The following TSHR variants were observed in gnomAD, a reference collection of about 807,000 sequenced individuals.
The protein encoded by TSHR is thyrotropin receptor.
In TSHR, 51 loss-of-function variants were observed where a neutral mutation model predicts 64.1. The observed-to-expected ratio is 0.80, with a 90% CI of 0.64 to 1.01. The LOEUF (loss-of-function observed/expected upper bound fraction) is 1.01. Among genes scored for constraint, TSHR ranks in the 50% least tolerant of loss-of-function variants. TSHR has a pLI of 0.00. For missense variants in TSHR, 877 were observed against 942.8 expected, an observed-to-expected ratio of 0.93 and a Z score of 0.91; for synonymous variants, 361 against 361.9, an observed-to-expected ratio of 1.00 and a Z score of 0.03.
chr14:81,105,909 AG>A (rs1889860832), intron 7 of TSHR, among the ~76,000 whole-genome samples: 2 of 152,066 alleles, frequency 1.3e-5, no homozygotes, highest in Non-Finnish European at 2.9e-5. Context: ...TACTGAACTT[AG>A]TTGTCTTTTT....
intron 7 of TSHR, chr14:81,105,039 T>C: frequency 1.0e-6 from 1 of 985,428 alleles, no homozygotes; most frequent in East Asian, 1.1e-4. Context: ...TTTGAGTCTC[T>C]TTTAAGCTAC....
chr14:81,033,253 G>A (rs960340775), intron 1 of TSHR: 4 of 475,426 alleles, frequency 8.4e-6, no homozygotes, highest in Non-Finnish European at 1.7e-5. Flanking sequence ...CCACTACTTG[G>A]TACTAGATCT....
intron 1 of TSHR, among the ~76,000 whole-genome samples, chr14:81,059,205 G>A (rs1886046279): frequency 6.6e-6 from 1 of 152,110 alleles, no homozygotes; most frequent in Non-Finnish European, 1.5e-5. Flanking sequence ...TAGATGCCAT[G>A]CCCTCACTAA....
At chr14:80,977,147 C>T (rs973971757) in intron 1 of TSHR, among the ~76,000 whole-genome samples, 1 of 152,214 alleles carries the variant, frequency 6.6e-6, no homozygotes, top group African/African-American at 2.4e-5. Flanking sequence ...TGGTCGGATG[C>T]TGTGTTATAT....
intron 7 of TSHR, among the ~76,000 whole-genome samples, chr14:81,101,377 C>G (rs1445179161): frequency 6.6e-6 from 1 of 152,218 alleles, no homozygotes. Context: ...TTGAAAACTA[C>G]AACTTGAAAT....
chr14:81,001,448 C>T (rs1889312130), intron 1 of TSHR: 1 of 486,640 alleles, frequency 2.1e-6, no homozygotes, highest in Admixed American at 2.1e-5. Flanking sequence ...CTTTATTTAC[C>T]TGGGTATGCT....
chr14:81,128,997 C>A (rs1336253333), intron 8 of TSHR, among the ~76,000 whole-genome samples: 1 of 152,138 alleles, frequency 6.6e-6, no homozygotes, highest in Non-Finnish European at 1.5e-5. Flanking sequence ...AGAGGATACT[C>A]CCTAACCCTA....
rs997932391 is a variant in TSHR, at chr14:81,145,849, A to G, written c.*1496A>G. 7 of 232,526 alleles carry G rather than the reference A, an allele frequency of 3.0e-5. No homozygotes were observed. The highest frequency in any genetic ancestry group is 2.5e-5 in the Non-Finnish European group (3 of 117,700). 14.4% of individuals were successfully genotyped at this position (232,526 alleles called of 1,614,324 possible). ...TAGCCCCCTAATGTCCTGCTAGAAA[A>G]GTCTCCAAGCAGAGATGACATTACT... On this transcript the variant is annotated 3_prime_UTR_variant, in exon 10 of 10. Transcript: ENST00000298171.
At chr14:81,046,930 A>G (rs72689927) in intron 1 of TSHR, among the ~76,000 whole-genome samples, 1,830 of 152,320 alleles carry the variant, frequency 0.012, 20 homozygotes, top group Non-Finnish European at 0.018. Context: ...AAGTATTGGA[A>G]AAAACCTGTC....
At chr14:81,122,448 GA>G (rs144493158) in intron 8 of TSHR, among the ~76,000 whole-genome samples, 6,435 of 145,658 alleles carry the variant, frequency 0.044, 380 homozygotes, top group East Asian at 0.23. Context: ...GACATCTTAT[GA>G]AAAAAAAAAC....
At chr14:81,035,753 G>A (rs1017183982) in intron 1 of TSHR, among the ~76,000 whole-genome samples, 1 of 152,028 alleles carries the variant, frequency 6.6e-6, no homozygotes, top group Non-Finnish European at 1.5e-5. Flanking sequence ...GGTTTTATGT[G>A]TTGTACACTT....
At chr14:80,998,535 G>A (rs1006850803) in intron 1 of TSHR, among the ~76,000 whole-genome samples, 4 of 151,734 alleles carry the variant, frequency 2.6e-5, no homozygotes, top group African/African-American at 9.7e-5. Context: ...TCAAGCAGAA[G>A]CTACTGCTGC....
intron 1 of TSHR, among the ~76,000 whole-genome samples, chr14:81,059,646 A>T (rs545931418): frequency 1.8e-4 from 28 of 152,228 alleles, no homozygotes; most frequent in East Asian, 5.8e-4. Flanking sequence ...TAGCACCCTC[A>T]ACTTCAATTT....
At chr14:80,989,135 C>T (rs1297973782) in intron 1 of TSHR, among the ~76,000 whole-genome samples, 1 of 152,168 alleles carries the variant, frequency 6.6e-6, no homozygotes, top group Non-Finnish European at 1.5e-5. Context: ...ATCATTGACT[C>T]TTCCTCTGCC....
At chr14:80,962,073 G>A (rs1887061542) in intron 1 of TSHR, among the ~76,000 whole-genome samples, 1 of 152,052 alleles carries the variant, frequency 6.6e-6, no homozygotes, top group African/African-American at 2.4e-5. Flanking sequence ...AATATGCTTT[G>A]GGAACATTGC....
chr14:81,114,586 G>A (rs10131719), intron 8 of TSHR, among the ~76,000 whole-genome samples: 10,334 of 152,226 alleles, frequency 0.068, 897 homozygotes, highest in East Asian at 0.23. Context: ...ACTGCAAGGC[G>A]GCAGCGAGGC....
intron 8 of TSHR, among the ~76,000 whole-genome samples, chr14:81,126,730 A>G (rs1399051442): frequency 6.6e-6 from 1 of 152,154 alleles, no homozygotes; most frequent in East Asian, 1.9e-4. Flanking sequence ...AAAGAATCTG[A>G]AGTTTGTTCT....
intron 8 of TSHR, among the ~76,000 whole-genome samples, chr14:81,119,781 A>C (rs1305408880): frequency 2.8e-5 from 3 of 106,420 alleles, no homozygotes. Context: ...AACCAACCCA[A>C]ATGTCCAGCA....
At chr14:81,000,515 G>A (rs1202495457) in intron 1 of TSHR, among the ~76,000 whole-genome samples, 1 of 152,140 alleles carries the variant, frequency 6.6e-6, no homozygotes, top group East Asian at 1.9e-4. Context: ...GGCTGGGAAG[G>A]TTAAGATGCA....
Sources: gnomAD v4.1 joint callset for allele counts (sites outside exome capture counted in the v4.1 genomes callset) on GRCh38, gnomAD v4.1.1 for gene constraint, MANE v1.5 for transcripts, NCBI Gene and HGNC (gene_info 2026-07-23, HGNC 2026-07-21) for gene names.